GPR137C: variants seen among roughly 807,000 people sequenced by gnomAD.
GPR137C encodes G protein-coupled receptor 137C.
A neutral mutation model predicts 43.4 loss-of-function variants in GPR137C; 27 were observed. The ratio of observed to expected loss-of-function variants is 0.62; its 90% CI spans 0.46 to 0.86. GPR137C has a LOEUF of 0.86. Among genes scored for constraint, GPR137C ranks in the 40% least tolerant of loss-of-function variants. The pLI, the probability that GPR137C is intolerant of heterozygous loss-of-function variation, is 0.00. For synonymous variants in GPR137C, 285 were observed against 226.9 expected (o/e 1.26, Z -2.30); for missense variants, 522 against 534.6 (o/e 0.98, Z 0.23).
At chr14:52,601,573 C>G (rs1259688381) in intron 3 of GPR137C, among the ~76,000 whole-genome samples, 1 of 151,390 alleles carries the variant, frequency 6.6e-6, no homozygotes, top group Non-Finnish European at 1.5e-5. Context: ...TTAATCTTAC[C>G]TGGAAAATTA....
At chr14:52,614,253 T>A (rs1322652557) in intron 3 of GPR137C, among the ~76,000 whole-genome samples, 1 of 151,678 alleles carries the variant, frequency 6.6e-6, no homozygotes, top group East Asian at 1.9e-4. Flanking sequence ...CCCTATTAGC[T>A]GGTACCGTAG....
At chr14:52,628,941 A>G (rs1480899007) in intron 3 of GPR137C, among the ~76,000 whole-genome samples, 1 of 152,236 alleles carries the variant, frequency 6.6e-6, no homozygotes, top group East Asian at 1.9e-4. Context: ...CAACTCATTG[A>G]TTTAATAAGA....
At chr14:52,625,233 C>T (rs985873304) in intron 3 of GPR137C, among the ~76,000 whole-genome samples, 5 of 152,060 alleles carry the variant, frequency 3.3e-5, no homozygotes, top group Middle Eastern at 3.4e-3. Flanking sequence ...CCTGTAATCC[C>T]AGGGCTTCGG....
intron 1 of GPR137C, among the ~76,000 whole-genome samples, chr14:52,576,309 CGTT>C (rs2038551323): frequency 6.6e-6 from 1 of 152,148 alleles, no homozygotes; most frequent in African/African-American, 2.4e-5. Flanking sequence ...ATTTCATACT[CGTT>C]ATAGCTGAGT....
chr14:52,634,113 G>C (rs1286380147), intron 6 of GPR137C, among the ~76,000 whole-genome samples, 167 bp downstream of exon 6: 1 of 152,090 alleles, frequency 6.6e-6, no homozygotes, highest in Admixed American at 6.6e-5. Context: ...CCCAGGGTGG[G>C]ACCTGCATTA....
At chr14:52,553,672 G>A in intron 1 of GPR137C, 81 bp downstream of exon 1, 1 of 773,814 alleles carries the variant, frequency 1.3e-6, no homozygotes, top group African/African-American at 1.8e-5. Context: ...GACCAGCGGG[G>A]GCGGGGGGTG....
At chr14:52,559,398 A>C (rs1241876623) in intron 1 of GPR137C, among the ~76,000 whole-genome samples, 2 of 151,540 alleles carry the variant, frequency 1.3e-5, no homozygotes, top group African/African-American at 2.4e-5. Flanking sequence ...AAAACAAAAA[A>C]CCTTCAAAAT....
chr14:52,566,092 C>T (rs2038365317), intron 1 of GPR137C, among the ~76,000 whole-genome samples: 1 of 152,046 alleles, frequency 6.6e-6, no homozygotes, highest in Admixed American at 6.6e-5. Context: ...ATATAGATGC[C>T]AGTTAAACAG....
chr14:52,611,598 G>A, intron 3 of GPR137C: 1 of 452,774 alleles, frequency 2.2e-6, no homozygotes, highest in Non-Finnish European at 2.9e-6. Context: ...ACCTACACTT[G>A]AAGTAAAATT....
chr14:52,602,443 T>G (rs1017839458), intron 3 of GPR137C, among the ~76,000 whole-genome samples: 1 of 152,076 alleles, frequency 6.6e-6, no homozygotes, highest in East Asian at 1.9e-4. Flanking sequence ...TCTTCCTCTT[T>G]TCATTCTTTC....
chr14:52,558,434 A>G (rs554707863), intron 1 of GPR137C, among the ~76,000 whole-genome samples: 4 of 152,296 alleles, frequency 2.6e-5, no homozygotes, highest in South Asian at 4.1e-4. Context: ...TTCTTGCACA[A>G]GTTTGAAGCC....
chr14:52,596,246 G>C (rs2038853432), intron 1 of GPR137C, among the ~76,000 whole-genome samples: 1 of 152,180 alleles, frequency 6.6e-6, no homozygotes, highest in Non-Finnish European at 1.5e-5. Flanking sequence ...GCCCCTACTG[G>C]GAGGTGTCTC....
intron 1 of GPR137C, among the ~76,000 whole-genome samples, chr14:52,560,499 T>C (rs2038265414): frequency 6.6e-6 from 1 of 152,190 alleles, no homozygotes; most frequent in East Asian, 1.9e-4. Context: ...ATCGCACTAC[T>C]TGAAGAGTAA....
intron 1 of GPR137C, among the ~76,000 whole-genome samples, chr14:52,566,833 C>G (rs112666797): frequency 1.8e-3 from 275 of 152,252 alleles, no homozygotes; most frequent in African/African-American, 6.4e-3. Flanking sequence ...GGATACAGGC[C>G]AGGTGCAGTG....
chr14:52,623,896 C>T (rs908494851), intron 3 of GPR137C, among the ~76,000 whole-genome samples: 4 of 148,170 alleles, frequency 2.7e-5, no homozygotes, highest in African/African-American at 7.7e-5. Flanking sequence ...AAGTATAGTT[C>T]ATTATCATTA....
intron 1 of GPR137C, among the ~76,000 whole-genome samples, chr14:52,572,827 T>C (rs1227177323): frequency 6.6e-6 from 1 of 152,228 alleles, no homozygotes; most frequent in Non-Finnish European, 1.5e-5. Context: ...GCAGATGACA[T>C]GATTGTATAC....
intron 1 of GPR137C, among the ~76,000 whole-genome samples, chr14:52,578,154 A>G (rs1376639969): frequency 6.6e-6 from 1 of 152,138 alleles, no homozygotes; most frequent in Non-Finnish European, 1.5e-5. Context: ...TGTATCTTCA[A>G]ATGGGTCTGT....
chr14:52,632,847 G>C (rs954541751), intron 4 of GPR137C, among the ~76,000 whole-genome samples: 1 of 151,958 alleles, frequency 6.6e-6, no homozygotes, highest in African/African-American at 2.4e-5. Flanking sequence ...CTCTAACTAC[G>C]CATATTTAAC....
chr14:52,610,104 A>G (rs1399342140), intron 3 of GPR137C, among the ~76,000 whole-genome samples: 1 of 152,142 alleles, frequency 6.6e-6, no homozygotes, highest in African/African-American at 2.4e-5. Context: ...CGCTTTTTCA[A>G]AGTTGCTCTT....
Sources: gnomAD v4.1 joint callset for allele counts (sites outside exome capture counted in the v4.1 genomes callset) on GRCh38, gnomAD v4.1.1 for gene constraint, MANE v1.5 for transcripts, NCBI Gene and HGNC (gene_info 2026-07-23, HGNC 2026-07-21) for gene names.